The following URI1 variants were observed in gnomAD, a reference collection of about 807,000 sequenced individuals.
URI1 encodes the protein unconventional prefoldin RPB5 interactor 1.
Under a neutral mutation model 60.2 loss-of-function variants are expected in URI1, and 39 were observed. That is an observed-to-expected ratio of 0.65 (90% confidence interval 0.50 to 0.85). The LOEUF is 0.85. Ranked by LOEUF, URI1 falls within the 40% of genes least tolerant of loss-of-function variation. The probability of loss-of-function intolerance (pLI) is 0.00; values close to 1 mark genes in which losing one functional copy is unlikely to be tolerated. For synonymous variants in URI1, 251 were observed against 236.8 expected, an observed-to-expected ratio of 1.06 and a Z score of -0.55; for missense variants, 691 against 665.9, an observed-to-expected ratio of 1.04 and a Z score of -0.42.
chr19:29,948,959 G>T (rs1339837790), intron 1 of URI1, among the ~76,000 whole-genome samples: 3 of 150,818 alleles, frequency 2.0e-5, no homozygotes, highest in African/African-American at 7.3e-5. Context: ...CCGCGGCCGG[G>T]CGGAGGCGCC....
Position 30,015,209 on chromosome 19 carries a change from C to G in URI1, c.*140C>G. On this transcript the variant is annotated 3_prime_UTR_variant, in exon 11 of 11. Coordinates refer to ENST00000392271, the MANE Select transcript of URI1 (RefSeq NM_003796.3). The stretch of plus-strand genomic sequence containing the variant: ...GGCAACAAGTTCTTTTACCCTTACC[C>G]GTGGTATTTGAAAAAAATCAAGGTA... 4 of 1,422,660 alleles carry G rather than the reference C, an allele frequency of 2.8e-6. No individual in the cohort carries two copies. Among genetic ancestry groups the G allele is most frequent in the Non-Finnish European group, 3.7e-6 (4 of 1,090,900 alleles). 88.1% of individuals were successfully genotyped at this position (1,422,660 alleles called of 1,614,324 possible).
At chr19:29,938,226 G>C (rs1025353947), upstream of URI1, among the ~76,000 whole-genome samples, 2 of 152,112 alleles carry the variant, frequency 1.3e-5, no homozygotes, top group African/African-American at 4.8e-5. Flanking sequence ...CAAGCATGTG[G>C]CACCAACACC....
At chr19:29,940,635 G>GA (rs1185517380), upstream of URI1, among the ~76,000 whole-genome samples, 5 of 147,658 alleles carry the variant, frequency 3.4e-5, no homozygotes, top group South Asian at 6.4e-4. Context: ...GGCAACAGAG[G>GA]AAAAAAAAAA....
At chr19:29,992,887 C>A (rs921331103) in intron 4 of URI1, among the ~76,000 whole-genome samples, 3 of 152,078 alleles carry the variant, frequency 2.0e-5, no homozygotes, top group African/African-American at 7.2e-5. Flanking sequence ...ATCTAGGCAC[C>A]ATGTCTTAGA....
At chr19:29,944,618 A>C (rs2055081064) in intron 1 of URI1, among the ~76,000 whole-genome samples, 1 of 152,168 alleles carries the variant, frequency 6.6e-6, no homozygotes, top group South Asian at 2.1e-4. Context: ...TCTTGTGGCA[A>C]ACTGAATGAC....
rs755364178 is a variant in URI1, at chr19:30,016,582, G to A, written c.*1513G>A. On this transcript the variant is annotated 3_prime_UTR_variant, in exon 11 of 11. Transcript: ENST00000392271. Reference sequence around the variant, plus strand: ...TAACAGATTTGTAATTTCAAGATGCGTGTCATTAAATAATTTTTCATGTTC... The same window carrying A: ...TAACAGATTTGTAATTTCAAGATGCATGTCATTAAATAATTTTTCATGTTC... 3.3e-5 allele frequency: 5 copies of A among 152,036 alleles called. No individual in the cohort carries two copies. The highest frequency in any genetic ancestry group is 4.1e-4 in the South Asian group (2 of 4,828). 9.4% of individuals were successfully genotyped at this position (152,036 alleles called of 1,614,324 possible). A position where few individuals can be genotyped will look rare whatever the true frequency, so the allele number is the denominator to read the frequency against.
intron 1 of URI1, among the ~76,000 whole-genome samples, chr19:29,954,157 C>T (rs541044541): frequency 6.6e-6 from 1 of 152,304 alleles, no homozygotes; most frequent in African/African-American, 2.4e-5. Context: ...ACAATATATA[C>T]AAAATAGCTT....
At chr19:29,991,507 C>T (rs866185193) in intron 4 of URI1, among the ~76,000 whole-genome samples, 9 of 152,048 alleles carry the variant, frequency 5.9e-5, no homozygotes, top group Non-Finnish European at 7.4e-5. Flanking sequence ...GGGTAGATTC[C>T]ATGGGATTTT....
At chr19:29,930,990 G>A (rs2054912418) in intron 1 of URI1, among the ~76,000 whole-genome samples, 1 of 151,948 alleles carries the variant, frequency 6.6e-6, no homozygotes, top group Non-Finnish European at 1.5e-5. Flanking sequence ...TTACAGGCAT[G>A]AGCCATCTGC....
At chr19:29,944,570 T>G (rs895675466) in intron 1 of URI1, among the ~76,000 whole-genome samples, 44 of 152,204 alleles carry the variant, frequency 2.9e-4, no homozygotes, top group African/African-American at 1.0e-3. Flanking sequence ...CGTGTTGAGT[T>G]ACATTGGAAG....
At chr19:30,001,518 C>CT (rs1568441504) in intron 4 of URI1, among the ~76,000 whole-genome samples, 4 of 151,820 alleles carry the variant, frequency 2.6e-5, no homozygotes, top group Admixed American at 1.3e-4. Context: ...ACAAACCACT[C>CT]TAAGCTGTGA....
At chr19:29,994,398 T>C (rs2055785388) in intron 4 of URI1, among the ~76,000 whole-genome samples, 1 of 150,450 alleles carries the variant, frequency 6.6e-6, no homozygotes, top group Non-Finnish European at 1.5e-5. Context: ...AAATTAAAAC[T>C]GTACCAGTTA....
chr19:30,014,235 C>A (rs1411076091), intron 10 of URI1: 1 of 152,050 alleles, frequency 6.6e-6, no homozygotes, highest in East Asian at 1.9e-4. Flanking sequence ...GAAATTGAGT[C>A]ATTTCTTTTT....
intron 4 of URI1, among the ~76,000 whole-genome samples, chr19:30,001,954 G>C (rs956856757): frequency 6.6e-6 from 1 of 152,004 alleles, no homozygotes. Context: ...GTTTAAGAAG[G>C]AGTACATCCT....
rs778656165 is a variant in URI1, at chr19:29,977,460, CTG to C, written c.152+6237_152+6238del. Among the ~76,000 whole-genome samples, 13 of 151,462 alleles carry C rather than the reference CTG, an allele frequency of 8.6e-5. No individual in the cohort carries two copies. In the East Asian group the frequency reaches 1.3e-3, roughly 16 times the overall value. On this transcript the variant is annotated intron_variant, in intron 2 of 10. Coordinates refer to ENST00000392271, the MANE Select transcript of URI1 (RefSeq NM_003796.3). ...CTACAGTGTTAGGTAGATTTGTAAACTGTGTTTTTCAGAGTCTGTATTTTACT... is the reference window on the plus strand; with the variant it reads ...CTACAGTGTTAGGTAGATTTGTAAACTGTTTTTCAGAGTCTGTATTTTACT...
chr19:29,998,411 G>A (rs1001476643), intron 4 of URI1, among the ~76,000 whole-genome samples: 1 of 151,928 alleles, frequency 6.6e-6, no homozygotes, highest in African/African-American at 2.4e-5. Flanking sequence ...ATTGAAAAGG[G>A]GATATTCATG....
At chr19:29,926,912 G>A (rs186403431) in intron 1 of URI1, among the ~76,000 whole-genome samples, 65 of 152,294 alleles carry the variant, frequency 4.3e-4, no homozygotes, top group African/African-American at 1.4e-3. Context: ...TGCATGGCTC[G>A]GGAGAGCACC....
chr19:29,944,140 C>CATATACATAT (rs2055067604), intron 1 of URI1, among the ~76,000 whole-genome samples: 1 of 37,124 alleles, frequency 2.7e-5, no homozygotes, highest in South Asian at 8.1e-4. Flanking sequence ...CCCTGTCATT[C>CATATACATAT]ATATATATAT....
chr19:29,956,918 G>C, intron 1 of URI1: 1 of 1,107,296 alleles, frequency 9.0e-7, no homozygotes. Flanking sequence ...TATGATAACT[G>C]TGCGTCCCTT....
Sources: allele counts gnomAD v4.1 joint callset (sites outside exome capture counted in the v4.1 genomes callset), GRCh38; gene constraint gnomAD v4.1.1; transcripts MANE v1.5; gene names NCBI Gene and HGNC (gene_info 2026-07-23, HGNC 2026-07-21).